USP34: variants seen among roughly 807,000 people sequenced by gnomAD.
The protein encoded by USP34 is ubiquitin specific peptidase 34, also known as ubiquitin carboxyl-terminal hydrolase 34.
In USP34, 70 loss-of-function variants were observed where a neutral mutation model predicts 460.3. The observed-to-expected ratio is 0.15, with a 90% confidence interval of 0.13 to 0.19. The LOEUF (loss-of-function observed/expected upper bound fraction) is 0.19, where lower values mean the gene tolerates loss of function less well. Ranked by LOEUF, USP34 falls within the 10% of genes least tolerant of loss-of-function variation. The probability of loss-of-function intolerance (pLI) is 1.00; values close to 1 mark genes in which losing one functional copy is unlikely to be tolerated. For synonymous variants in USP34, 1,647 were observed against 1,405.3 expected (o/e 1.17, Z -3.85); for missense variants, 3,985 against 4,236.2 (o/e 0.94, Z 1.65).
intron 15 of USP34, among the ~76,000 whole-genome samples, chr2:61,345,056 T>A (rs1182531408): frequency 2.0e-5 from 3 of 152,170 alleles, no homozygotes; most frequent in African/African-American, 7.2e-5. Context: ...GCGGATCATT[T>A]GAGGTCAGCA....
At chr2:61,230,546 C>T (rs528076464) in intron 58 of USP34, among the ~76,000 whole-genome samples, 1 of 151,708 alleles carries the variant, frequency 6.6e-6, no homozygotes, top group Admixed American at 6.6e-5. Flanking sequence ...AACCAACCAA[C>T]CAAACAAAAA....
chr2:61,426,553 C>T (rs1452599011), intron 1 of USP34, among the ~76,000 whole-genome samples: 3 of 152,182 alleles, frequency 2.0e-5, no homozygotes, highest in Non-Finnish European at 4.4e-5. Flanking sequence ...TGAATGCCAG[C>T]TCAGCCACAA....
chr2:61,375,762 C>CT (rs1190750634), intron 8 of USP34, among the ~76,000 whole-genome samples: 2 of 71,850 alleles, frequency 2.8e-5, no homozygotes, highest in Non-Finnish European at 5.1e-5. Flanking sequence ...GACCAAGACT[C>CT]TGTCTCAAAA....
At chr2:61,463,833 T>C (rs1273091366) in intron 1 of USP34, among the ~76,000 whole-genome samples, 1 of 144,626 alleles carries the variant, frequency 6.9e-6, no homozygotes, top group Non-Finnish European at 1.5e-5. Context: ...AAATTCCTTT[T>C]CAAAAAAAAA....
intron 64 of USP34, 143 bp from the exon 65 acceptor site, chr2:61,222,806 C>T: frequency 1.3e-6 from 1 of 765,442 alleles, no homozygotes; most frequent in Non-Finnish European, 2.1e-6. Flanking sequence ...AAGCGATCCT[C>T]CTGCCTCAGC....
Position 61,257,278 on chromosome 2 carries a change from T to G in USP34, c.5917A>C (p.Thr1973Pro). The change falls in exon 45 of 80, where the codon ACT (threonine) becomes CCT (proline). Residue 1973 changes from threonine (T) to proline (P), a missense_variant. This residue lies in a region of USP34 where 145 missense variants were observed against 291.6 expected (regional missense o/e 0.50). Transcript: ENST00000398571. ...TCTGTCATATCTTTCTGTTCCCCAG[T>G]ATTCAGAGGCTGCTTATCCATGGTG... The part of the protein sequence containing the change: ...TYTMDKQPLN[T>P]GEQKDMTEFF... The G allele has an allele frequency of 6.2e-7, 1 of 1,613,352 alleles. No homozygotes were observed. Among genetic ancestry groups the G allele is most frequent in the Non-Finnish European group, 8.5e-7 (1 of 1,179,598 alleles).
intron 10 of USP34, among the ~76,000 whole-genome samples, chr2:61,365,899 C>T (rs1037147553): frequency 1.3e-5 from 2 of 151,862 alleles, no homozygotes. Context: ...TCCCATCAGA[C>T]ACAAAACTTA....
chr2:61,242,656 T>C (rs1262887200), intron 51 of USP34, among the ~76,000 whole-genome samples: 1 of 151,966 alleles, frequency 6.6e-6, no homozygotes, highest in Non-Finnish European at 1.5e-5. Flanking sequence ...GAGAATTTAG[T>C]GGTGGGGCTT....
chr2:61,246,616 G>T, intron 49 of USP34, 139 bp from the exon 50 acceptor site: 1 of 594,748 alleles, frequency 1.7e-6, no homozygotes. Flanking sequence ...CCAATGTGAC[G>T]AGTTACTTAG....
chr2:61,306,536 T>C (rs1690410038), intron 27 of USP34, among the ~76,000 whole-genome samples: 1 of 152,306 alleles, frequency 6.6e-6, no homozygotes, highest in Non-Finnish European at 1.5e-5. Flanking sequence ...TGGCTTAGGA[T>C]TGTCTTGGCA....
At chr2:61,338,854 TATC>T (rs1691505577) in intron 18 of USP34, among the ~76,000 whole-genome samples, 1 of 152,170 alleles carries the variant, frequency 6.6e-6, no homozygotes, top group Non-Finnish European at 1.5e-5. Context: ...GAACTGTACA[TATC>T]TAATATATAC....
At chr2:61,317,547 G>A in intron 23 of USP34, 107 bp downstream of exon 23, 1 of 950,650 alleles carries the variant, frequency 1.1e-6, no homozygotes, top group African/African-American at 1.6e-5. Flanking sequence ...CAACTGCACT[G>A]CACAGGTAGT....
intron 34 of USP34, among the ~76,000 whole-genome samples, chr2:61,288,279 T>A (rs1021784814): frequency 6.6e-6 from 1 of 152,240 alleles, no homozygotes; most frequent in African/African-American, 2.4e-5. Flanking sequence ...GGGTGATAAA[T>A]GGCTCCTTAT....
chr2:61,395,925 G>T lies in USP34; in HGVS notation c.553-692C>A, dbSNP rs1485897032. 2.6e-5 allele frequency among the ~76,000 whole-genome samples: 4 copies of T among 151,526 alleles called. No individual in the cohort carries two copies. The East Asian group carries it at 7.7e-4, about 29-fold the overall frequency. ...TACGAAAAATAAAAAAATTGTCAGT[G>T]TGGTGGTGGGCACTTGTAATACTCA... On this transcript the variant is annotated intron_variant, in intron 3 of 79. Transcript: ENST00000398571.
intron 41 of USP34, among the ~76,000 whole-genome samples, chr2:61,268,017 G>T (rs1689103722): frequency 6.6e-6 from 1 of 152,088 alleles, no homozygotes; most frequent in Non-Finnish European, 1.5e-5. Flanking sequence ...GCCTCCCAAA[G>T]TGCTGGGATT....
intron 20 of USP34, 22 bp from the exon 21 acceptor site, chr2:61,325,479 A>T: frequency 1.4e-6 from 2 of 1,408,578 alleles, no homozygotes; most frequent in Non-Finnish European, 1.9e-6. Flanking sequence ...AAGTCATTAA[A>T]ATAATTAAAT....
intron 37 of USP34, among the ~76,000 whole-genome samples, chr2:61,281,677 A>G (rs1264561412): frequency 6.6e-6 from 1 of 152,236 alleles, no homozygotes; most frequent in East Asian, 1.9e-4. Flanking sequence ...ATGATCAAAT[A>G]AAGTATCTCA....
At chr2:61,310,399 G>A (rs1340142389) in intron 27 of USP34, among the ~76,000 whole-genome samples, 1 of 151,968 alleles carries the variant, frequency 6.6e-6, no homozygotes, top group Non-Finnish European at 1.5e-5. Context: ...AGTGAACTAT[G>A]CAGATCTCAA....
intron 41 of USP34, among the ~76,000 whole-genome samples, chr2:61,275,223 G>C (rs1029013900): frequency 6.6e-6 from 1 of 152,132 alleles, no homozygotes; most frequent in Non-Finnish European, 1.5e-5. Flanking sequence ...AGGTTGCAGT[G>C]AGCTGAGATC....
Sources: allele counts gnomAD v4.1 joint callset (sites outside exome capture counted in the v4.1 genomes callset), GRCh38; gene constraint gnomAD v4.1.1; regional missense constraint gnomAD v4.1.1; transcripts MANE v1.5; gene names NCBI Gene and HGNC (gene_info 2026-07-23, HGNC 2026-07-21).